PRDM15: variants seen among roughly 807,000 people sequenced by gnomAD.
PRDM15 encodes the protein PR domain zinc finger protein 15.
PRDM15 carries 64 observed loss-of-function variants against 128.6 expected under a neutral mutation model. The ratio of observed to expected loss-of-function variants is 0.50; its 90% CI spans 0.41 to 0.61. PRDM15 has a LOEUF of 0.61. PRDM15 is among the 20% of genes least tolerant of loss of function. The probability of loss-of-function intolerance (pLI) is 0.00; values close to 1 mark genes in which losing one functional copy is unlikely to be tolerated. For missense variants in PRDM15, 1,242 were observed against 1,569.1 expected (o/e 0.79, Z 3.52); for synonymous variants, 615 against 621.8 (o/e 0.99, Z 0.16).
intron 18 of PRDM15, among the ~76,000 whole-genome samples, chr21:41,816,734 G>A (rs991957652): frequency 6.6e-6 from 1 of 152,162 alleles, no homozygotes; most frequent in Admixed American, 6.5e-5. Flanking sequence ...AAAACTGCGC[G>A]GCTGGGCCAG....
chr21:41,871,782 C>T (rs1229474658), intron 1 of PRDM15: 1 of 750,920 alleles, frequency 1.3e-6, no homozygotes, highest in African/African-American at 1.8e-5. Flanking sequence ...TCCAGACCTG[C>T]TGCGTTTCAT....
At chr21:41,837,010 T>C (rs138522011) in intron 8 of PRDM15, 34 of 161,246 alleles carry the variant, frequency 2.1e-4, no homozygotes, top group Admixed American at 3.8e-4. Flanking sequence ...CTGAACCTGA[T>C]TTTCAAAACT....
chr21:41,837,121 A>G (rs1166517357), intron 8 of PRDM15, among the ~76,000 whole-genome samples: 1 of 152,230 alleles, frequency 6.6e-6, no homozygotes, highest in African/African-American at 2.4e-5. Context: ...CATTTCTGAT[A>G]TTACTTTTGC....
chr21:41,801,826 C>T (rs2061425667), intron 23 of PRDM15, 104 bp from the exon 24 acceptor site: 1 of 1,256,676 alleles, frequency 8.0e-7, no homozygotes, highest in South Asian at 1.5e-5. Context: ...AGAAGCACGA[C>T]ATTCTTTGGT....
rs866961063 is a variant in PRDM15 at position 41,832,252 on chromosome 21, G to C, written c.1366+3185C>G. Among the ~76,000 whole-genome samples, 2 of 152,270 alleles carry C rather than the reference G, an allele frequency of 1.3e-5. No homozygotes were observed. Among genetic ancestry groups the C allele is most frequent in the Middle Eastern group, 3.4e-3 (1 of 294 alleles). The stretch of plus-strand genomic sequence containing the variant: ...AAATCTCTTTATCATGAATTCTTAG[G>C]AATGGGACCACTAGAGCCAAGCGCT... On this transcript the variant is annotated intron_variant, in intron 11 of 23. Coordinates refer to ENST00000398548, the MANE Select transcript of PRDM15 (RefSeq NM_001040424.3). The surrounding 1 kb of genome is among the most constrained non-coding windows in gnomAD (Gnocchi z 4.2).
intron 1 of PRDM15, among the ~76,000 whole-genome samples, chr21:41,875,419 A>C (rs1168491841): frequency 6.6e-6 from 1 of 152,246 alleles, no homozygotes; most frequent in South Asian, 2.1e-4. Flanking sequence ...AATATTTCCT[A>C]AAATGCCACT....
rs2063665124 is a variant in PRDM15, at chr21:41,857,297, C to T, written c.164G>A (p.Arg55Gln). The change falls in exon 4 of 24, where the codon CGA becomes CAA. Residue 55 changes from arginine (R) to glutamine (Q), a missense_variant. Coordinates refer to ENST00000398548, the MANE Select transcript of PRDM15 (RefSeq NM_001040424.3). The stretch of plus-strand genomic sequence containing the variant: ...CACCCCCTCGGCTCCATCTTCCAGT[C>T]GTCTGATCTCCAAGTTGGGAGGAAG... ...SSLPPNLEIR[R>Q]LEDGAEGVFA... 1.9e-6 allele frequency: 3 copies of T among 1,613,756 alleles called. No individual in the cohort carries two copies. Among genetic ancestry groups the T allele is most frequent in the Admixed American group, 1.7e-5 (1 of 60,006 alleles).
intron 7 of PRDM15, among the ~76,000 whole-genome samples, chr21:41,838,540 A>G (rs538929182): frequency 1.3e-5 from 2 of 152,378 alleles, no homozygotes; most frequent in African/African-American, 4.8e-5. Flanking sequence ...CAGAAACCCA[A>G]GATAAATGAA....
intron 12 of PRDM15, among the ~76,000 whole-genome samples, chr21:41,827,006 T>C (rs574556852): frequency 6.6e-6 from 1 of 152,316 alleles, no homozygotes; most frequent in East Asian, 1.9e-4. Flanking sequence ...CGGGGTCCTG[T>C]GTGAGAAGTT....
Position 41,821,902 on chromosome 21 carries a change from C to T in PRDM15, c.1896+1G>A. 1 of 1,614,066 alleles carries T rather than the reference C, an allele frequency of 6.2e-7. No homozygotes were observed. Among genetic ancestry groups the T allele is most frequent in the Non-Finnish European group, 8.5e-7 (1 of 1,180,030 alleles). ...GGCACCGCGGGGCAAACCCGCCATA[C>T]CTGGCACCGCTTGCAGCTGTACTTG... is the stretch of plus-strand genomic sequence containing the variant. On this transcript the variant is annotated splice_donor_variant, in intron 15 of 23. Transcript: ENST00000398548. LOFTEE classifies it high-confidence loss of function. This position sits in a 1 kb window ranked among gnomAD's most constrained non-coding sequence, Gnocchi z 5.4.
intron 22 of PRDM15, among the ~76,000 whole-genome samples, chr21:41,803,608 C>G (rs2061475829): frequency 6.6e-6 from 1 of 152,236 alleles, no homozygotes; most frequent in African/African-American, 2.4e-5. Context: ...CAGTGGCAGA[C>G]AGACCCAGCG....
In PRDM15 at chr21:41,854,466, C is replaced by T; in HGVS notation, c.538+100G>A. 1 of 1,464,458 alleles carries T rather than the reference C, an allele frequency of 6.8e-7. No individual in the cohort carries two copies. Among genetic ancestry groups the T allele is most frequent in the South Asian group, 1.3e-5 (1 of 79,760 alleles). 90.7% of individuals were successfully genotyped at this position (1,464,458 alleles called of 1,614,324 possible). ...CATCCCAGCAGCTGGCCCAGCCCAA[C>T]CCATCTCATCAGTGTGGGGTCAGCA... On this transcript the variant is annotated intron_variant, in intron 5 of 23. Transcript: ENST00000398548. The surrounding 1 kb of genome is among the most constrained non-coding windows in gnomAD (Gnocchi z 4.6).
chr21:41,802,755 C>A lies in PRDM15; in HGVS notation c.2900G>T (p.Ser967Ile). ...TGCGGAATTGGTCTCGTCGCCTACA[C>A]TGCCTGTGAACTCCGTCTCTTTCTC... ...YSEKETEFTG[S>I]VGDETNSAVQ... The change falls in exon 23 of 24, where the codon AGT becomes ATT. Residue 967 changes from serine to isoleucine, a missense_variant. Around this residue, in one of 3 missense-constraint regions of PRDM15, gnomAD observed 602 missense variants for 788.3 expected, o/e 0.76. Coordinates refer to ENST00000398548, the MANE Select transcript of PRDM15 (RefSeq NM_001040424.3). 2 of 1,614,254 alleles carry A rather than the reference C, an allele frequency of 1.2e-6. No individual in the cohort carries two copies. The highest frequency in any genetic ancestry group is 1.7e-6 in the Non-Finnish European group (2 of 1,180,044).
At chr21:41,874,502 C>CATACATATATATAT (rs1555894590) in intron 1 of PRDM15, among the ~76,000 whole-genome samples, 3 of 118,682 alleles carry the variant, frequency 2.5e-5, no homozygotes, top group African/African-American at 9.3e-5. Context: ...AAGCAGCATG[C>CATACATATATATAT]ATATATATAT....
intron 1 of PRDM15, among the ~76,000 whole-genome samples, chr21:41,869,230 A>G (rs1253396500): frequency 6.6e-6 from 1 of 152,126 alleles, no homozygotes; most frequent in African/African-American, 2.4e-5. Context: ...TGATTACCAC[A>G]TCTAAGACCT....
intron 11 of PRDM15, among the ~76,000 whole-genome samples, chr21:41,834,741 G>C (rs2062813794): frequency 6.6e-6 from 1 of 152,206 alleles, no homozygotes; most frequent in Admixed American, 6.5e-5. Context: ...GGGCCACGTG[G>C]AGAAGCGCAG....
At chr21:41,835,619 G>T in intron 10 of PRDM15, 95 bp from the exon 11 acceptor site, 1 of 893,986 alleles carries the variant, frequency 1.1e-6, no homozygotes, top group Non-Finnish European at 1.8e-6. Flanking sequence ...CCACGCCTGT[G>T]TCTGTTATGA....
chr21:41,836,502 G>C lies in PRDM15; in HGVS notation c.1149C>G (p.Asn383Lys), dbSNP rs775564700. The stretch of plus-strand genomic sequence containing the variant: ...GCACGTGCCTGCTCAGGTTGCTGCT[G>C]TTCTGGAAGATCTTGCTGCAGATAT... ...QCNICSKIFQ[N>K]SSNLSRHVRS... Residue 383 changes from asparagine (N) to lysine (K), a missense_variant, in exon 9 of 24, where the codon AAC becomes AAG. This residue lies in a region of PRDM15 where 612 missense variants were observed against 717.0 expected (regional missense o/e 0.85). Transcript: ENST00000398548. The C allele has an allele frequency of 6.2e-7, 1 of 1,612,236 alleles. No homozygotes were observed. The highest frequency in any genetic ancestry group is 8.5e-7 in the Non-Finnish European group (1 of 1,179,862).
Position 41,838,015 on chromosome 21 carries a change from C to G in PRDM15, c.920G>C (p.Ser307Thr). The G allele has an allele frequency of 6.2e-7, 1 of 1,614,186 alleles. No individual in the cohort carries two copies. Among genetic ancestry groups the G allele is most frequent in the Non-Finnish European group, 8.5e-7 (1 of 1,180,006 alleles). ...ITEVPPDEPV[S>T]ATPDERIMEL... is the part of the protein sequence containing the mutation. ...CATGATCCGCTCATCTGGCGTTGCA[C>G]TCACAGGCTCATCCGGAGGGACCTC... The change falls in exon 8 of 24, where the codon AGT becomes ACT. Residue 307 changes from serine to threonine, a missense_variant. Coordinates refer to ENST00000398548, the MANE Select transcript of PRDM15 (RefSeq NM_001040424.3).
Sources: allele counts gnomAD v4.1 joint callset (sites outside exome capture counted in the v4.1 genomes callset), GRCh38; gene constraint gnomAD v4.1.1; regional missense constraint gnomAD v4.1.1; non-coding constraint Gnocchi (gnomAD v3.1); transcripts MANE v1.5; gene names NCBI Gene and HGNC (gene_info 2026-07-23, HGNC 2026-07-21).